Variants in DDR2 observed in about 807,000 individuals in gnomAD.
The protein encoded by DDR2 is discoidin domain receptor tyrosine kinase 2, also known as discoidin domain-containing receptor 2.
Under a neutral mutation model 94.9 loss-of-function variants are expected in DDR2, and 27 were observed. The ratio of observed to expected loss-of-function variants is 0.28; its 90% confidence interval spans 0.21 to 0.39. The LOEUF (loss-of-function observed/expected upper bound fraction) is 0.39. Ranked by LOEUF, DDR2 falls within the 10% of genes least tolerant of loss-of-function variation. The probability of loss-of-function intolerance (pLI) is 1.00; values close to 1 mark genes in which losing one functional copy is unlikely to be tolerated. For synonymous variants in DDR2, 382 were observed against 377.2 expected, an observed-to-expected ratio of 1.01 and a Z score of -0.15; for missense variants, 783 against 1,076.0, an observed-to-expected ratio of 0.73 and a Z score of 3.81.
rs1647819059 is a variant in DDR2, at chr1:162,780,192, C to A, written c.2514C>A (p.Asn838Lys). The A allele has an allele frequency of 6.2e-7, 1 of 1,613,952 alleles. No homozygotes were observed. Among genetic ancestry groups the A allele is most frequent in the Non-Finnish European group, 8.5e-7 (1 of 1,179,920 alleles). ...MLSCWRRDTK[N>K]RPSFQEIHLL... ...GCTGCTGGAGAAGAGATACGAAGAA[C>A]CGTCCCTCATTCCAAGAAATCCACC... Residue 838 changes from asparagine to lysine, a missense_variant, in exon 18 of 18, where the codon AAC becomes AAA. Asn to Lys is a moderately conservative substitution (Grantham distance 94, BLOSUM62 0). Around this residue, in one of 2 missense-constraint regions of DDR2, gnomAD observed 264 missense variants for 428.2 expected, o/e 0.62. Coordinates refer to ENST00000367921, the MANE Select transcript of DDR2 (RefSeq NM_006182.4).
intron 1 of DDR2, among the ~76,000 whole-genome samples, chr1:162,654,748 C>A (rs542302477): frequency 3.3e-4 from 50 of 152,074 alleles, no homozygotes; most frequent in African/African-American, 1.2e-3. Flanking sequence ...CACGAGTGTA[C>A]GGTGGAGTTT....
intron 2 of DDR2, among the ~76,000 whole-genome samples, chr1:162,708,440 T>C (rs1380081448): frequency 6.6e-6 from 1 of 152,014 alleles, no homozygotes; most frequent in African/African-American, 2.4e-5. Context: ...ACCGCAAGAG[T>C]AGGATGGTCC....
chr1:162,765,921 C>A, intron 9 of DDR2, 80 bp from the exon 10 acceptor site: 2 of 1,270,340 alleles, frequency 1.6e-6, no homozygotes, highest in Non-Finnish European at 2.3e-6. Flanking sequence ...TTGTAATGTG[C>A]TAGGTCACAA....
intron 2 of DDR2, among the ~76,000 whole-genome samples, chr1:162,669,243 T>C (rs748135192): frequency 1.3e-5 from 2 of 152,226 alleles, no homozygotes; most frequent in Non-Finnish European, 2.9e-5. Flanking sequence ...TATAACCGAA[T>C]ATAACAACTT....
intron 2 of DDR2, among the ~76,000 whole-genome samples, chr1:162,686,188 G>C (rs906364495): frequency 6.9e-6 from 1 of 144,436 alleles, no homozygotes; most frequent in Non-Finnish European, 1.5e-5. Context: ...ACCATGCCCA[G>C]CTAATTTTTG....
intron 1 of DDR2, among the ~76,000 whole-genome samples, chr1:162,638,968 T>C (rs1234076676): frequency 6.6e-6 from 1 of 152,190 alleles, no homozygotes; most frequent in Non-Finnish European, 1.5e-5. Flanking sequence ...TTTTTCTTTT[T>C]TCTTTTTCTA....
chr1:162,750,234 T>C (rs1459861797), intron 3 of DDR2, among the ~76,000 whole-genome samples: 2 of 152,074 alleles, frequency 1.3e-5, no homozygotes, highest in East Asian at 3.9e-4. Flanking sequence ...GATTGTATAT[T>C]TAGAAAACCC....
chr1:162,727,885 A>C (rs866649562), intron 3 of DDR2, among the ~76,000 whole-genome samples: 12 of 149,048 alleles, frequency 8.1e-5, no homozygotes, highest in South Asian at 4.2e-4. Flanking sequence ...TGTGAGGGCT[A>C]TCTTGCCACA....
chr1:162,766,113 G>A (rs1663977697), intron 10 of DDR2, 50 bp downstream of exon 10: 1 of 1,594,986 alleles, frequency 6.3e-7, no homozygotes, highest in South Asian at 1.1e-5. Flanking sequence ...ACTTACTGGG[G>A]GATGAAGAAG....
At chr1:162,720,986 A>G (rs142968738) in intron 3 of DDR2, among the ~76,000 whole-genome samples, 166 of 152,320 alleles carry the variant, frequency 1.1e-3, no homozygotes, top group Non-Finnish European at 2.1e-3. Context: ...GTGCCTTGTT[A>G]CTTTCTCGTA....
intron 1 of DDR2, among the ~76,000 whole-genome samples, chr1:162,650,413 T>A (rs763415778): frequency 3.7e-4 from 57 of 152,140 alleles, no homozygotes; most frequent in South Asian, 4.2e-4. Context: ...CTGGCCAACA[T>A]GGTGAAAGCC....
At position 162,724,781 on chromosome 1, in the gene DDR2, C is replaced by G. The variant is rs73024594; in HGVS notation, c.82+5636C>G. Among the ~76,000 whole-genome samples the G allele has an allele frequency of 4.9e-3, 744 of 151,248 alleles. 7 individuals are homozygous for G. Among genetic ancestry groups the G allele is most frequent in the East Asian group, 0.035 (179 of 5,098 alleles). ...TATGTGTGTGTGTAGGTGGGTGGCGCGGGGGTGTAGTGTGTGTTAGACAGC... is the reference window on the plus strand; with the variant it reads ...TATGTGTGTGTGTAGGTGGGTGGCGGGGGGGTGTAGTGTGTGTTAGACAGC... On this transcript the variant is annotated intron_variant, in intron 3 of 17. Transcript: ENST00000367921.
chr1:162,741,245 A>AAT (rs1558057461), intron 3 of DDR2, among the ~76,000 whole-genome samples: 193 of 126,404 alleles, frequency 1.5e-3, no homozygotes, highest in African/African-American at 5.3e-3. Flanking sequence ...AATATAATAT[A>AAT]GTATAATGTA....
At position 162,780,093 on chromosome 1, in the gene DDR2, T is replaced by C. The variant is rs201927097; in HGVS notation, c.2434-19T>C. On this transcript the variant is annotated intron_variant, in intron 17 of 17. Transcript: ENST00000367921. ...TCTCTCTCTCTCTCTTTTGTTTTCC[T>C]TTATTTTTGTTCCCAAAGACTTACC... 1.2e-6 allele frequency: 2 copies of C among 1,613,732 alleles called. No homozygotes were observed. The highest frequency in any genetic ancestry group is 3.3e-5 in the Admixed American group (2 of 59,994).
rs771259035 is a variant in DDR2, at chr1:162,776,324, G to C, written c.2237G>C (p.Arg746Pro). 1 of 1,614,010 alleles carries C rather than the reference G, an allele frequency of 6.2e-7. No individual in the cohort carries two copies. The highest frequency in any genetic ancestry group is 8.5e-7 in the Non-Finnish European group (1 of 1,179,952). The change falls in exon 16 of 18, where the codon CGG becomes CCG. Residue 746 changes from arginine (R) to proline (P), a missense_variant. By Grantham distance (103) the Arg-to-Pro change is moderately radical. This residue lies in a region of DDR2 where 264 missense variants were observed against 428.2 expected (regional missense o/e 0.62). Coordinates refer to ENST00000367921, the MANE Select transcript of DDR2 (RefSeq NM_006182.4). ...GGTGACTATTACCGGATCCAGGGCCGGGCAGTGCTCCCTATCCGCTGGATG... is the reference window on the plus strand; with the variant it reads ...GGTGACTATTACCGGATCCAGGGCCCGGCAGTGCTCCCTATCCGCTGGATG... ...YSGDYYRIQGRAVLPIRWMSW... is the reference protein window; with the variant it reads ...YSGDYYRIQGPAVLPIRWMSW...
At chr1:162,686,284 T>C (rs10799866) in intron 2 of DDR2, among the ~76,000 whole-genome samples, 106,027 of 152,000 alleles carry the variant, frequency 0.7, 38,174 homozygotes, top group Middle Eastern at 0.81. Context: ...TGTGCCATAG[T>C]GGTTTGCTGC....
At chr1:162,730,256 C>T (rs1402790814) in intron 3 of DDR2, among the ~76,000 whole-genome samples, 1 of 152,026 alleles carries the variant, frequency 6.6e-6, no homozygotes, top group Non-Finnish European at 1.5e-5. Flanking sequence ...CAGGTCCAGC[C>T]TTCTAGTGTT....
chr1:162,749,500 T>A (rs931137408), intron 3 of DDR2, among the ~76,000 whole-genome samples: 8 of 152,118 alleles, frequency 5.3e-5, no homozygotes, highest in Non-Finnish European at 1.0e-4. Flanking sequence ...GCTCTGAAAT[T>A]GCGGCAATAA....
intron 2 of DDR2, among the ~76,000 whole-genome samples, chr1:162,704,166 T>C (rs1271466124): frequency 2.0e-5 from 3 of 152,236 alleles, no homozygotes; most frequent in Non-Finnish European, 4.4e-5. Flanking sequence ...ATCGATTTTC[T>C]ATTCTGGCAG....
Sources: allele counts gnomAD v4.1 joint callset (sites outside exome capture counted in the v4.1 genomes callset), GRCh38; gene constraint gnomAD v4.1.1; regional missense constraint gnomAD v4.1.1; transcripts MANE v1.5; gene names NCBI Gene and HGNC (gene_info 2026-07-23, HGNC 2026-07-21).